Variants in USP54 observed in about 807,000 individuals in gnomAD.
USP54 encodes ubiquitin carboxyl-terminal hydrolase 54.
In USP54, 87 loss-of-function variants were observed where a neutral mutation model predicts 170.5. The observed-to-expected ratio is 0.51, with a 90% CI of 0.43 to 0.61. USP54 has a LOEUF of 0.61. USP54 is among the 20% of genes least tolerant of loss of function. The pLI, the probability that USP54 is intolerant of heterozygous loss-of-function variation, is 0.00. For synonymous variants in USP54, 655 were observed against 742.8 expected (o/e 0.88, Z 1.92); for missense variants, 1,786 against 2,047.8 (o/e 0.87, Z 2.47).
intron 16 of USP54, among the ~76,000 whole-genome samples, chr10:73,524,597 TAAC>T (rs1021882335): frequency 4.6e-5 from 7 of 151,762 alleles, no homozygotes; most frequent in South Asian, 2.1e-4. Context: ...ATAATAATAA[TAAC>T]AACAACAACA....
chr10:73,523,288 G>T (rs942877179), intron 17 of USP54, among the ~76,000 whole-genome samples: 1 of 152,124 alleles, frequency 6.6e-6, no homozygotes, highest in African/African-American at 2.4e-5. Flanking sequence ...AGCTATTTCT[G>T]ACTCAAGGCT....
chr10:73,577,351 G>T (rs1189213627), intron 1 of USP54, among the ~76,000 whole-genome samples: 1 of 152,180 alleles, frequency 6.6e-6, no homozygotes, highest in Non-Finnish European at 1.5e-5. Flanking sequence ...TGAGGTACAG[G>T]AATATTAAAT....
chr10:73,563,145 G>A (rs1403108310), intron 4 of USP54, among the ~76,000 whole-genome samples: 2 of 152,018 alleles, frequency 1.3e-5, no homozygotes, highest in Admixed American at 6.6e-5. Context: ...CGTAGAGACA[G>A]GATCTCACTT....
Position 73,500,574 on chromosome 10 carries a change from A to G in USP54, c.4495+81T>C, listed in dbSNP as rs1411770712. 6 of 1,360,532 alleles carry G rather than the reference A, an allele frequency of 4.4e-6. No homozygotes were observed. The South Asian group carries it at 5.8e-5, about 13-fold the overall frequency. 84.3% of individuals were successfully genotyped at this position (1,360,532 alleles called of 1,614,324 possible). A position where few individuals can be genotyped will look rare whatever the true frequency, so the allele number is the denominator to read the frequency against. On this transcript the variant is annotated intron_variant, in intron 23 of 23. Transcript: ENST00000687698. ...TCCACCTTGGGATACCCCCCTCCCC[A>G]TAGGTATACTGATTTGACCCTTGGA...
rs539513181 is a variant in USP54, at chr10:73,497,803, A to G, written c.*826T>C. 36 of 152,382 alleles carry G rather than the reference A, an allele frequency of 2.4e-4. No homozygotes were observed. The highest frequency in any genetic ancestry group is 2.3e-3 in the Admixed American group (35 of 15,308). 9.4% of individuals were successfully genotyped at this position (152,382 alleles called of 1,614,324 possible). A position where few individuals can be genotyped will look rare whatever the true frequency, so the allele number is the denominator to read the frequency against. On this transcript the variant is annotated 3_prime_UTR_variant, in exon 24 of 24. Transcript: ENST00000687698. ...TGCTGACAGGCCATAATACCTGGGC[A>G]GGGGGGCTGCCCTGATGATGTCATC...
chr10:73,510,782 A>T (rs2060077257), intron 20 of USP54, among the ~76,000 whole-genome samples: 1 of 152,062 alleles, frequency 6.6e-6, no homozygotes, highest in Admixed American at 6.6e-5. Flanking sequence ...TATATTTGAA[A>T]TTTCCCATAA....
chr10:73,619,399 T>G lies in USP54; in HGVS notation c.-18+6168A>C, dbSNP rs182395042. Among the ~76,000 whole-genome samples the G allele has an allele frequency of 2.2e-4, 33 of 148,708 alleles. No individual in the cohort carries two copies. In the East Asian group the frequency reaches 6.0e-3, roughly 27 times the overall value. On this transcript the variant is annotated intron_variant, in intron 1 of 22. Transcript: ENST00000339859. ...CATGCCACCAAATCCTGGCTAAATT[T>G]TTCACTTTTTTTTGTAGAGACAGGG... is the stretch of plus-strand genomic sequence containing the variant.
chr10:73,505,969 A>G (rs2059063409), intron 20 of USP54: 1 of 152,350 alleles, frequency 6.6e-6, no homozygotes. Flanking sequence ...CTTCTGTCAG[A>G]CTTAGGCTCA....
At chr10:73,542,013 A>C (rs1283287200) in intron 7 of USP54, 2 of 416,538 alleles carry the variant, frequency 4.8e-6, no homozygotes, top group Admixed American at 3.9e-5. Flanking sequence ...GGAGAACAAA[A>C]ATTATTTTTA....
chr10:73,516,269 T>G, intron 20 of USP54, 106 bp downstream of exon 20: 1 of 1,257,250 alleles, frequency 8.0e-7, no homozygotes, highest in African/African-American at 1.5e-5. Context: ...TACCTCCTAC[T>G]AAGCTGGGGA....
At chr10:73,499,286 C>T (rs2057549213) in intron 23 of USP54, 98 bp from the exon 24 acceptor site, 2 of 1,191,488 alleles carry the variant, frequency 1.7e-6, no homozygotes, top group Middle Eastern at 2.9e-4. Flanking sequence ...TTCCCTACTC[C>T]TCCAAGAGCA....
chr10:73,505,464 C>G, intron 20 of USP54, 38 bp from the exon 21 acceptor site: 1 of 1,578,122 alleles, frequency 6.3e-7, no homozygotes, highest in Non-Finnish European at 8.7e-7. Flanking sequence ...GAGGCCATCT[C>G]TTCCCCTAGG....
intron 1 of USP54, among the ~76,000 whole-genome samples, chr10:73,617,686 C>T (rs1244729800): frequency 2.0e-5 from 3 of 149,500 alleles, no homozygotes; most frequent in Non-Finnish European, 4.4e-5. Flanking sequence ...AAAAATTAGA[C>T]TTTCTCTTCC....
upstream of USP54, among the ~76,000 whole-genome samples, chr10:73,591,925 C>G (rs2078289414): frequency 6.6e-6 from 1 of 152,048 alleles, no homozygotes. Context: ...CTTAAACGAG[C>G]CACACTATTA....
At chr10:73,556,915 A>T (rs1337543835) in intron 4 of USP54, among the ~76,000 whole-genome samples, 1 of 152,136 alleles carries the variant, frequency 6.6e-6, no homozygotes, top group Non-Finnish European at 1.5e-5. Context: ...CCAGGCTTTT[A>T]TGCCTTATAC....
chr10:73,569,089 T>C (rs1196512800), intron 4 of USP54, among the ~76,000 whole-genome samples: 1 of 152,198 alleles, frequency 6.6e-6, no homozygotes, highest in Non-Finnish European at 1.5e-5. Flanking sequence ...CCCTTCTTGG[T>C]ACAGACAAGA....
At chr10:73,551,555 G>A (rs1038732163) in intron 4 of USP54, among the ~76,000 whole-genome samples, 1 of 152,108 alleles carries the variant, frequency 6.6e-6, no homozygotes, top group African/African-American at 2.4e-5. Context: ...GAAAAGGAAG[G>A]GGGAAAAAGC....
At chr10:73,557,558 T>G (rs2071455747) in intron 4 of USP54, among the ~76,000 whole-genome samples, 6 of 151,610 alleles carry the variant, frequency 4.0e-5, no homozygotes, top group Admixed American at 3.9e-4. Flanking sequence ...CGATCTCAGC[T>G]CACTGCAACT....
At chr10:73,588,366 GGT>G (rs2077780600) in intron 1 of USP54, among the ~76,000 whole-genome samples, 1 of 152,084 alleles carries the variant, frequency 6.6e-6, no homozygotes, top group African/African-American at 2.4e-5. Flanking sequence ...TGGGATTACA[GGT>G]GTGTGCCACC....
Sources: gnomAD v4.1 joint callset for allele counts (sites outside exome capture counted in the v4.1 genomes callset) on GRCh38, gnomAD v4.1.1 for gene constraint, MANE v1.5 for transcripts, NCBI Gene and HGNC (gene_info 2026-07-23, HGNC 2026-07-21) for gene names.